NR2F1-AS1: variants seen among roughly 807,000 people sequenced by gnomAD.
The protein encoded by NR2F1-AS1 is NR2F1 regulatory antisense RNA 1, also known as NR2F1 antisense RNA 1.
At chr5:93,446,948 A>G (rs1749724586) in intron 4 of NR2F1-AS1, among the ~76,000 whole-genome samples, 2 of 151,992 alleles carry the variant, frequency 1.3e-5, no homozygotes, top group African/African-American at 4.8e-5. Flanking sequence ...AACAAGAAAT[A>G]GGGAAAGGAT....
At position 93,442,677 on chromosome 5, in the gene NR2F1-AS1, G is replaced by C. The variant is rs535281858; in HGVS notation, n.639-47135C>G. On this transcript the variant is annotated intron_variant and non_coding_transcript_variant, in intron 4 of 5. Coordinates refer to ENST00000660523, the Ensembl canonical transcript of NR2F1-AS1. ...TACACTTAAACGTCCCTGTCTGACA[G>C]ATTTGAAGAGAGCAGTGCTTCTCCC... Among the ~76,000 whole-genome samples the C allele has an allele frequency of 5.9e-5, 9 of 152,352 alleles. No homozygotes were observed. The East Asian group carries it at 1.7e-3, about 29-fold the overall frequency.
intron 1 of NR2F1-AS1, among the ~76,000 whole-genome samples, chr5:93,573,627 G>A (rs1034384032): frequency 3.9e-5 from 6 of 152,196 alleles, no homozygotes; most frequent in African/African-American, 1.4e-4. Flanking sequence ...CCAATTAAAA[G>A]ATTTCTAAAG....
At chr5:93,484,300 CA>C (rs1750669193) in intron 4 of NR2F1-AS1, among the ~76,000 whole-genome samples, 2 of 152,196 alleles carry the variant, frequency 1.3e-5, no homozygotes, top group South Asian at 2.1e-4. Context: ...CAATATTCAA[CA>C]TTCTTAAAGA....
At chr5:93,471,305 G>C (rs1409799114) in intron 4 of NR2F1-AS1, among the ~76,000 whole-genome samples, 1 of 151,846 alleles carries the variant, frequency 6.6e-6, no homozygotes, top group African/African-American at 2.4e-5. Context: ...TTGTGTTAAT[G>C]TTCATTCTCT....
intron 1 of NR2F1-AS1, among the ~76,000 whole-genome samples, chr5:93,572,205 G>T (rs1035570013): frequency 6.6e-6 from 1 of 152,214 alleles, no homozygotes; most frequent in South Asian, 2.1e-4. Context: ...GCACGCGCAC[G>T]TACACACACT....
At chr5:93,507,269 G>A (rs1751204093) in intron 4 of NR2F1-AS1, among the ~76,000 whole-genome samples, 1 of 152,210 alleles carries the variant, frequency 6.6e-6, no homozygotes. Context: ...ATGTGTGTTA[G>A]TACTGCTTCT....
intron 4 of NR2F1-AS1, among the ~76,000 whole-genome samples, chr5:93,552,558 C>T (rs971092464): frequency 1.3e-5 from 2 of 151,820 alleles, no homozygotes; most frequent in Non-Finnish European, 2.9e-5. Context: ...TAAGGATCCT[C>T]TTCCTCATAA....
At chr5:93,459,477 A>G (rs1474995352) in intron 4 of NR2F1-AS1, among the ~76,000 whole-genome samples, 1 of 152,194 alleles carries the variant, frequency 6.6e-6, no homozygotes, top group Non-Finnish European at 1.5e-5. Flanking sequence ...TCGCTGGTAG[A>G]AATGTGGCAT....
At chr5:93,527,541 C>A (rs543991925) in intron 4 of NR2F1-AS1, among the ~76,000 whole-genome samples, 1 of 152,266 alleles carries the variant, frequency 6.6e-6, no homozygotes, top group African/African-American at 2.4e-5. Flanking sequence ...ATAGCCAAGA[C>A]AATCCTAAGC....
intron 4 of NR2F1-AS1, among the ~76,000 whole-genome samples, chr5:93,422,710 T>G (rs1411705383): frequency 6.6e-6 from 1 of 152,240 alleles, no homozygotes; most frequent in Non-Finnish European, 1.5e-5. Flanking sequence ...TTTTTAAATG[T>G]GTCCCCTACC....
At chr5:93,465,736 A>G (rs1750214875) in intron 4 of NR2F1-AS1, among the ~76,000 whole-genome samples, 1 of 152,228 alleles carries the variant, frequency 6.6e-6, no homozygotes. Flanking sequence ...ATGGAATACT[A>G]TGCAGCCATA....
chr5:93,459,313 C>T (rs541404178), intron 4 of NR2F1-AS1, among the ~76,000 whole-genome samples: 9 of 151,860 alleles, frequency 5.9e-5, no homozygotes, highest in South Asian at 2.1e-4. Context: ...AGAAAATAAG[C>T]GCATGAAAAC....
At chr5:93,470,859 C>T (rs1457105879) in intron 4 of NR2F1-AS1, among the ~76,000 whole-genome samples, 7 of 151,428 alleles carry the variant, frequency 4.6e-5, no homozygotes, top group Admixed American at 1.3e-4. Context: ...TGTATATTGC[C>T]GATAATACAA....
At chr5:93,576,443 T>C (rs1322566616) in intron 1 of NR2F1-AS1, among the ~76,000 whole-genome samples, 9 of 151,220 alleles carry the variant, frequency 6.0e-5, no homozygotes, top group African/African-American at 1.2e-4. Context: ...TTTTTTTTTT[T>C]CATTTAAACT....
intron 4 of NR2F1-AS1, among the ~76,000 whole-genome samples, chr5:93,452,247 C>A (rs1054853580): frequency 1.2e-4 from 19 of 152,118 alleles, no homozygotes; most frequent in Admixed American, 6.6e-4. Flanking sequence ...CTTTCATTTT[C>A]ACCTATAAAG....
chr5:93,515,762 GATA>G (rs1241889770), intron 4 of NR2F1-AS1, among the ~76,000 whole-genome samples: 2 of 151,908 alleles, frequency 1.3e-5, no homozygotes, highest in Non-Finnish European at 2.9e-5. Flanking sequence ...ATTGAATAGA[GATA>G]ATGCCAGAAG....
chr5:93,575,031 C>A (rs1306140634), intron 1 of NR2F1-AS1, among the ~76,000 whole-genome samples: 2 of 152,260 alleles, frequency 1.3e-5, no homozygotes, highest in African/African-American at 4.8e-5. Flanking sequence ...GGGTGTCCCC[C>A]AAGTCCCAGC....
chr5:93,519,530 T>C (rs1379304194), intron 4 of NR2F1-AS1, among the ~76,000 whole-genome samples: 2 of 152,020 alleles, frequency 1.3e-5, no homozygotes, highest in Non-Finnish European at 2.9e-5. Context: ...CTGTATGTTT[T>C]GGTAATAACT....
At chr5:93,560,311 T>C (rs1169725532) in intron 2 of NR2F1-AS1, among the ~76,000 whole-genome samples, 2 of 152,254 alleles carry the variant, frequency 1.3e-5, no homozygotes, top group Non-Finnish European at 2.9e-5. Flanking sequence ...TGTTCACGTA[T>C]ACTGTACACA....
Sources: allele counts gnomAD v4.1 joint callset (sites outside exome capture counted in the v4.1 genomes callset), GRCh38; gene constraint gnomAD v4.1.1; transcripts MANE v1.5; gene names NCBI Gene and HGNC (gene_info 2026-07-23, HGNC 2026-07-21).